PMFBP1: variants seen among roughly 807,000 people sequenced by gnomAD.
The protein encoded by PMFBP1 is polyamine-modulated factor 1-binding protein 1.
PMFBP1 carries 131 observed loss-of-function variants against 137.8 expected under a neutral mutation model. The observed-to-expected ratio is 0.95, with a 90% CI of 0.82 to 1.10. PMFBP1 has a LOEUF of 1.10. Ranked by LOEUF, PMFBP1 falls within the 50% of genes least tolerant of loss-of-function variation. The pLI, the probability that PMFBP1 is intolerant of heterozygous loss-of-function variation, is 0.00. For synonymous variants in PMFBP1, 490 were observed against 450.4 expected (o/e 1.09, Z -1.11); for missense variants, 1,199 against 1,175.4 (o/e 1.02, Z -0.29).
At chr16:72,147,503 C>T (rs1243092496) in intron 5 of PMFBP1, among the ~76,000 whole-genome samples, 2 of 152,154 alleles carry the variant, frequency 1.3e-5, no homozygotes, top group Non-Finnish European at 2.9e-5. Flanking sequence ...GCAATGGCAA[C>T]TAAAGCCAAA....
chr16:72,164,905 T>C lies in PMFBP1; in HGVS notation c.24A>G (p.Arg8=), dbSNP rs2043122440. ...TGTTCAGGCTGCTCACTTCTCTGTC[T>C]CTCTCCCCCGCCTAGGCAGCCAGAA... MKDEAGE[R]DREVSSLNSK... The change falls in exon 3 of 21, where the codon AGA becomes AGG. Residue 8 remains arginine, a synonymous_variant. Transcript: ENST00000237353. 6.3e-7 allele frequency: 1 copy of C among 1,590,954 alleles called. No homozygotes were observed. The highest frequency in any genetic ancestry group is 8.6e-7 in the Non-Finnish European group (1 of 1,162,266).
chr16:72,231,683 A>G, the PMFBP1 span, among the ~76,000 whole-genome samples: 3 of 152,198 alleles, frequency 2.0e-5, no homozygotes, highest in Admixed American at 6.6e-5. Context: ...TATCAAAGAA[A>G]TATAAAATAC....
the PMFBP1 span, among the ~76,000 whole-genome samples, chr16:72,239,121 C>T: frequency 4.6e-5 from 7 of 152,068 alleles, no homozygotes; most frequent in African/African-American, 1.7e-4. Flanking sequence ...AAACTTTTTT[C>T]CTAATAGTAC....
chr16:72,190,474 A>T, the PMFBP1 span, among the ~76,000 whole-genome samples: 2 of 152,226 alleles, frequency 1.3e-5, no homozygotes, highest in African/African-American at 4.8e-5. Flanking sequence ...GACTGCAGTT[A>T]CACTTACTGA....
At chr16:72,192,731 G>A in the PMFBP1 span, among the ~76,000 whole-genome samples, 8 of 151,728 alleles carry the variant, frequency 5.3e-5, no homozygotes, top group African/African-American at 7.3e-5. Context: ...GTGAAACCCC[G>A]TCTCTACTAA....
chr16:72,247,201 T>C, the PMFBP1 span, among the ~76,000 whole-genome samples: 8 of 152,326 alleles, frequency 5.3e-5, no homozygotes, highest in African/African-American at 1.9e-4. Flanking sequence ...TAATGCATGA[T>C]ACTAAGATAT....
chr16:72,121,749 C>A (rs1249166359), intron 19 of PMFBP1, among the ~76,000 whole-genome samples: 1 of 152,160 alleles, frequency 6.6e-6, no homozygotes, highest in African/African-American at 2.4e-5. Context: ...CCCAGCCTCC[C>A]AATTAGCTGG....
At chr16:72,156,594 T>C (rs2042984584) in intron 3 of PMFBP1, among the ~76,000 whole-genome samples, 1 of 151,672 alleles carries the variant, frequency 6.6e-6, no homozygotes, top group Admixed American at 6.6e-5. Flanking sequence ...CACTCCAGCC[T>C]GAGCGACAGA....
At chr16:72,132,462 G>C (rs571935236) in intron 10 of PMFBP1, among the ~76,000 whole-genome samples, 1 of 152,334 alleles carries the variant, frequency 6.6e-6, no homozygotes, top group East Asian at 1.9e-4. Flanking sequence ...AAAGGACAGA[G>C]CCCTGCCTCC....
At chr16:72,165,218 AC>A (rs1026016753) in intron 2 of PMFBP1, among the ~76,000 whole-genome samples, 1 of 152,182 alleles carries the variant, frequency 6.6e-6, no homozygotes, top group Non-Finnish European at 1.5e-5. Flanking sequence ...AATTCTAGGC[AC>A]CTACTGGACT....
chr16:72,127,272 G>C (rs1199427233), intron 14 of PMFBP1, among the ~76,000 whole-genome samples: 1 of 152,212 alleles, frequency 6.6e-6, no homozygotes, highest in Non-Finnish European at 1.5e-5. Flanking sequence ...GAGATGAAAA[G>C]TGGTAAATTG....
upstream of PMFBP1, among the ~76,000 whole-genome samples, chr16:72,175,879 A>T (rs1441221693): frequency 6.6e-6 from 1 of 152,232 alleles, no homozygotes; most frequent in Admixed American, 6.5e-5. Flanking sequence ...ATGAACAGAC[A>T]GGGATACTTA....
At chr16:72,229,254 G>A in the PMFBP1 span, among the ~76,000 whole-genome samples, 1 of 152,088 alleles carries the variant, frequency 6.6e-6, no homozygotes, top group South Asian at 2.1e-4. Flanking sequence ...CCAGTCCACT[G>A]TTGATGGGCA....
upstream of PMFBP1, among the ~76,000 whole-genome samples, chr16:72,176,517 G>A (rs1188991431): frequency 1.3e-5 from 2 of 152,202 alleles, no homozygotes; most frequent in African/African-American, 4.8e-5. Flanking sequence ...ATGGAGTATT[G>A]TGGGGACTTC....
chr16:72,238,900 G>A, the PMFBP1 span, among the ~76,000 whole-genome samples: 2 of 151,964 alleles, frequency 1.3e-5, no homozygotes, highest in Admixed American at 1.3e-4. Context: ...TAGGGGCCAG[G>A]GATGGTGCTA....
chr16:72,121,089 CTG>C (rs765594402), intron 19 of PMFBP1, among the ~76,000 whole-genome samples: 7 of 152,178 alleles, frequency 4.6e-5, no homozygotes, highest in Non-Finnish European at 7.3e-5. Flanking sequence ...AAGAAAAAGA[CTG>C]AAGTTATCTG....
At chr16:72,221,697 G>A in the PMFBP1 span, among the ~76,000 whole-genome samples, 4 of 152,158 alleles carry the variant, frequency 2.6e-5, no homozygotes, top group South Asian at 2.1e-4. Context: ...ACCAGGAATC[G>A]TGCAATACAT....
At chr16:72,124,286 C>A (rs1380906637) in intron 17 of PMFBP1, among the ~76,000 whole-genome samples, 1 of 152,214 alleles carries the variant, frequency 6.6e-6, no homozygotes, top group South Asian at 2.1e-4. Flanking sequence ...GTAGGGACTG[C>A]AGGCATGAGC....
intron 3 of PMFBP1, among the ~76,000 whole-genome samples, chr16:72,154,901 T>C (rs1432520303): frequency 1.3e-5 from 2 of 152,110 alleles, no homozygotes; most frequent in African/African-American, 4.8e-5. Flanking sequence ...CAAGGGTGAA[T>C]TCTTGGGGAT....
Sources: gnomAD v4.1 joint callset for allele counts (sites outside exome capture counted in the v4.1 genomes callset) on GRCh38, gnomAD v4.1.1 for gene constraint, MANE v1.5 for transcripts, NCBI Gene and HGNC (gene_info 2026-07-23, HGNC 2026-07-21) for gene names.